Variants in NCK2 observed in about 807,000 individuals in gnomAD.
The protein encoded by NCK2 is cytoplasmic protein NCK2.
Under a neutral mutation model 33.9 loss-of-function variants are expected in NCK2, and 16 were observed. The ratio of observed to expected loss-of-function variants is 0.47; its 90% CI spans 0.32 to 0.72. The LOEUF is 0.72. Ranked by LOEUF, NCK2 falls within the 30% of genes least tolerant of loss-of-function variation. NCK2 has a pLI of 0.03. For missense variants in NCK2, 418 were observed against 537.3 expected (o/e 0.78, Z 2.19); for synonymous variants, 273 against 239.9 (o/e 1.14, Z -1.27).
intron 3 of NCK2, among the ~76,000 whole-genome samples, chr2:105,864,926 A>G (rs1366356225): frequency 6.6e-6 from 1 of 152,038 alleles, no homozygotes; most frequent in East Asian, 1.9e-4. Flanking sequence ...TCCAAATAAT[A>G]CTAGAAAGAA....
At chr2:105,885,030 G>A (rs1460790757) in intron 4 of NCK2, among the ~76,000 whole-genome samples, 1 of 152,166 alleles carries the variant, frequency 6.6e-6, no homozygotes, top group Non-Finnish European at 1.5e-5. Flanking sequence ...TGGCTAGAAA[G>A]CTGTACTTAA....
chr2:105,763,068 T>G (rs1255603065), intron 1 of NCK2, among the ~76,000 whole-genome samples: 1 of 152,068 alleles, frequency 6.6e-6, no homozygotes, highest in Non-Finnish European at 1.5e-5. Context: ...CGTGGTGGTA[T>G]GTGCCTGTAG....
chr2:105,753,296 A>G (rs1391234379), intron 1 of NCK2, among the ~76,000 whole-genome samples: 3 of 152,124 alleles, frequency 2.0e-5, no homozygotes, highest in Non-Finnish European at 4.4e-5. Context: ...ACCTTGGAGG[A>G]GGGGAAGCCT....
At chr2:105,786,916 A>G (rs1175433754) in intron 1 of NCK2, among the ~76,000 whole-genome samples, 1 of 152,190 alleles carries the variant, frequency 6.6e-6, no homozygotes, top group Non-Finnish European at 1.5e-5. Flanking sequence ...AAGCATGGTG[A>G]TAACAGCACC....
chr2:105,871,926 A>T (rs1160233594), intron 3 of NCK2, among the ~76,000 whole-genome samples: 1 of 152,178 alleles, frequency 6.6e-6, no homozygotes, highest in Non-Finnish European at 1.5e-5. Context: ...ACCTGAAGGG[A>T]CAGTTTTGGA....
chr2:105,764,768 A>C (rs62154118), intron 1 of NCK2, among the ~76,000 whole-genome samples: 48,169 of 152,092 alleles, frequency 0.32, 8,624 homozygotes, highest in East Asian at 0.45. Context: ...TGAAAGAGAA[A>C]CTTTTCATAT....
intron 1 of NCK2, among the ~76,000 whole-genome samples, chr2:105,790,639 A>G (rs1367363789): frequency 6.6e-6 from 1 of 152,210 alleles, no homozygotes; most frequent in East Asian, 1.9e-4. Flanking sequence ...ACCTGTCCTC[A>G]TCTTAGGTGA....
intron 2 of NCK2, chr2:105,851,983 G>A (rs1489059243): frequency 6.6e-6 from 1 of 152,220 alleles, no homozygotes; most frequent in Admixed American, 6.5e-5. Context: ...CATTGCTATG[G>A]CTAACCAATA....
chr2:105,779,864 T>C, intron 1 of NCK2, among the ~76,000 whole-genome samples: 1 of 152,168 alleles, frequency 6.6e-6, no homozygotes, highest in East Asian at 1.9e-4. Flanking sequence ...AAGGAGAAAC[T>C]GATATGGGGA....
rs1233158203 is a variant in NCK2, at chr2:105,758,458, TG to T, written c.-201+13322del. 8.9e-3 allele frequency among the ~76,000 whole-genome samples: 1,341 copies of T among 150,718 alleles called. 22 individuals carry two copies. Among genetic ancestry groups the T allele is most frequent in the African/African-American group, 0.031 (1,276 of 41,044 alleles). On this transcript the variant is annotated intron_variant, in intron 1 of 4. Transcript: ENST00000233154. The stretch of plus-strand genomic sequence containing the variant: ...CAGAGTCTCGCTCTGTCACCCATGC[TG>T]GAGTGCAGTCGCTTGATCTCGGCTC...
chr2:105,868,222 G>C (rs931376554), intron 3 of NCK2, among the ~76,000 whole-genome samples: 2 of 152,184 alleles, frequency 1.3e-5, no homozygotes, highest in Non-Finnish European at 2.9e-5. Flanking sequence ...GTCAGTTTTT[G>C]CCCAGAAGTC....
intron 1 of NCK2, among the ~76,000 whole-genome samples, chr2:105,773,226 G>A (rs1463015235): frequency 6.6e-6 from 1 of 151,914 alleles, no homozygotes; most frequent in Non-Finnish European, 1.5e-5. Flanking sequence ...GCCAGTGAGT[G>A]CCAAGGATAT....
chr2:105,787,350 C>T (rs1690714213), intron 1 of NCK2, among the ~76,000 whole-genome samples: 1 of 152,152 alleles, frequency 6.6e-6, no homozygotes, highest in South Asian at 2.1e-4. Context: ...GTTCTAACCC[C>T]CAGTGTGACT....
At chr2:105,746,885 G>T (rs1689304846) in intron 1 of NCK2, among the ~76,000 whole-genome samples, 1 of 152,196 alleles carries the variant, frequency 6.6e-6, no homozygotes. Flanking sequence ...ATAGGAAGCT[G>T]TGGAGGTGCC....
chr2:105,795,794 T>G (rs1277250988), intron 1 of NCK2, among the ~76,000 whole-genome samples: 1 of 152,168 alleles, frequency 6.6e-6, no homozygotes, highest in Non-Finnish European at 1.5e-5. Context: ...ATTTGAGTCA[T>G]TATTCCTCCC....
intron 1 of NCK2, among the ~76,000 whole-genome samples, chr2:105,751,529 A>T (rs1309757551): frequency 6.6e-6 from 1 of 152,060 alleles, no homozygotes. Context: ...CCAGCATCTA[A>T]ATATCCCCTT....
chr2:105,802,382 C>T (rs1393898142), intron 1 of NCK2, among the ~76,000 whole-genome samples: 1 of 152,162 alleles, frequency 6.6e-6, no homozygotes, highest in Non-Finnish European at 1.5e-5. Context: ...AGTCTGTTTG[C>T]ATTACTGTAA....
chr2:105,767,466 CTT>C (rs1287971844), intron 1 of NCK2, among the ~76,000 whole-genome samples: 2 of 152,204 alleles, frequency 1.3e-5, no homozygotes, highest in Non-Finnish European at 2.9e-5. Flanking sequence ...ATCTGTTACT[CTT>C]TGTGGTTACA....
At chr2:105,815,901 A>C (rs1211128280) in intron 1 of NCK2, among the ~76,000 whole-genome samples, 1 of 152,136 alleles carries the variant, frequency 6.6e-6, no homozygotes, top group Admixed American at 6.5e-5. Flanking sequence ...GGTGGGGCTC[A>C]TTGGGAGGAG....
Sources: allele counts gnomAD v4.1 joint callset (sites outside exome capture counted in the v4.1 genomes callset), GRCh38; gene constraint gnomAD v4.1.1; transcripts MANE v1.5; gene names NCBI Gene and HGNC (gene_info 2026-07-23, HGNC 2026-07-21).